The following SGMS1 variants were observed in gnomAD, a reference collection of about 807,000 sequenced individuals.
SGMS1 encodes phosphatidylcholine:ceramide cholinephosphotransferase 1.
Under a neutral mutation model 46.2 loss-of-function variants are expected in SGMS1, and 13 were observed. The ratio of observed to expected loss-of-function variants is 0.28; its 90% CI spans 0.18 to 0.45. SGMS1 has a LOEUF of 0.45. Ranked by LOEUF, SGMS1 falls within the 20% of genes least tolerant of loss-of-function variation. SGMS1 has a pLI of 1.00. For synonymous variants in SGMS1, 203 were observed against 187.8 expected, an observed-to-expected ratio of 1.08 and a Z score of -0.66; for missense variants, 324 against 519.9, an observed-to-expected ratio of 0.62 and a Z score of 3.66.
At chr10:50,439,013 A>G (rs1849508807) in intron 5 of SGMS1, among the ~76,000 whole-genome samples, 1 of 152,236 alleles carries the variant, frequency 6.6e-6, no homozygotes, top group Non-Finnish European at 1.5e-5. Context: ...TTAAGACCCT[A>G]TATGGCATAC....
intron 7 of SGMS1, among the ~76,000 whole-genome samples, chr10:50,331,624 A>G (rs929636542): frequency 6.6e-6 from 1 of 152,126 alleles, no homozygotes; most frequent in Non-Finnish European, 1.5e-5. Context: ...TCAACACTCT[A>G]TCTCACCTGA....
chr10:50,488,615 C>G (rs988396062), intron 3 of SGMS1, among the ~76,000 whole-genome samples: 1 of 152,184 alleles, frequency 6.6e-6, no homozygotes, highest in African/African-American at 2.4e-5. Context: ...AAGTAACATT[C>G]TCATTCTCCA....
chr10:50,410,040 A>AT, intron 6 of SGMS1, among the ~76,000 whole-genome samples: 1 of 152,192 alleles, frequency 6.6e-6, no homozygotes, highest in South Asian at 2.1e-4. Context: ...TTAAATGAGA[A>AT]TTATAGGACA....
intron 2 of SGMS1, among the ~76,000 whole-genome samples, chr10:50,535,115 C>T (rs1265424409): frequency 6.6e-6 from 1 of 151,826 alleles, no homozygotes; most frequent in African/African-American, 2.4e-5. Flanking sequence ...GCCTGTAGTC[C>T]CAGCTACTCG....
At chr10:50,468,150 C>G (rs1837347364) in intron 3 of SGMS1, among the ~76,000 whole-genome samples, 1 of 152,162 alleles carries the variant, frequency 6.6e-6, no homozygotes, top group South Asian at 2.1e-4. Context: ...CTTCCAATTC[C>G]TATGAAGCCT....
chr10:50,457,957 C>A (rs1234512484), intron 5 of SGMS1, among the ~76,000 whole-genome samples: 1 of 152,208 alleles, frequency 6.6e-6, no homozygotes, highest in African/African-American at 2.4e-5. Context: ...GCTGCTCATG[C>A]AACTGCTAAG....
intron 2 of SGMS1, among the ~76,000 whole-genome samples, chr10:50,541,446 T>A (rs1056857880): frequency 1.3e-5 from 2 of 152,180 alleles, no homozygotes; most frequent in Admixed American, 1.3e-4. Context: ...ATCTAATACA[T>A]CATGTGACTC....
At chr10:50,456,479 G>C (rs1321522179) in intron 5 of SGMS1, among the ~76,000 whole-genome samples, 1 of 152,156 alleles carries the variant, frequency 6.6e-6, no homozygotes, top group African/African-American at 2.4e-5. Flanking sequence ...CATAGTCCTA[G>C]CTTCACAGGA....
chr10:50,427,242 CA>C (rs1399560023), intron 6 of SGMS1, among the ~76,000 whole-genome samples: 1 of 152,074 alleles, frequency 6.6e-6, no homozygotes, highest in Non-Finnish European at 1.5e-5. Context: ...ACTAAAAATA[CA>C]AAAACATTAG....
chr10:50,309,716 C>T lies in SGMS1; in HGVS notation c.895+1546G>A, dbSNP rs1196880759. Among the ~76,000 whole-genome samples, 8 of 152,268 alleles carry T rather than the reference C, an allele frequency of 5.3e-5. No homozygotes were observed. In the East Asian group the frequency reaches 1.3e-3, roughly 26 times the overall value. ...GTATAAGCACTGGAACATCTATTCT[C>T]CCTTTTCTATCTCAGTGCCCTGAAG... is the stretch of plus-strand genomic sequence containing the variant. On this transcript the variant is annotated intron_variant, in intron 9 of 10. Coordinates refer to ENST00000361781, the MANE Select transcript of SGMS1 (RefSeq NM_147156.4).
At chr10:50,510,849 C>A (rs1837747587) in intron 3 of SGMS1, among the ~76,000 whole-genome samples, 1 of 152,084 alleles carries the variant, frequency 6.6e-6, no homozygotes, top group Non-Finnish European at 1.5e-5. Flanking sequence ...GGTTTTTTTA[C>A]ATACAATTCT....
chr10:50,447,492 CAAAAT>C (rs1407864301), intron 5 of SGMS1, among the ~76,000 whole-genome samples: 1 of 151,700 alleles, frequency 6.6e-6, no homozygotes, highest in African/African-American at 2.4e-5. Context: ...AAGAAGTAAA[CAAAAT>C]AAAGTCAGTT....
At chr10:50,364,705 G>A (rs946379883) in intron 6 of SGMS1, among the ~76,000 whole-genome samples, 1 of 152,032 alleles carries the variant, frequency 6.6e-6, no homozygotes, top group South Asian at 2.1e-4. Context: ...TAAAATAATC[G>A]TTCCCTCCAG....
intron 2 of SGMS1, among the ~76,000 whole-genome samples, chr10:50,585,577 T>C (rs2131883411): frequency 6.6e-6 from 1 of 152,362 alleles, no homozygotes; most frequent in Non-Finnish European, 1.5e-5. Context: ...CCCCATGTGG[T>C]TGGTGCACAC....
intron 6 of SGMS1, among the ~76,000 whole-genome samples, chr10:50,395,189 G>A (rs1448226380): frequency 6.6e-5 from 10 of 152,090 alleles, no homozygotes; most frequent in Non-Finnish European, 1.5e-4. Flanking sequence ...CACCTTCATG[G>A]TCGCTGTTAT....
chr10:50,529,838 A>G (rs1244807004), intron 2 of SGMS1, among the ~76,000 whole-genome samples: 2 of 152,198 alleles, frequency 1.3e-5, no homozygotes, highest in African/African-American at 2.4e-5. Flanking sequence ...CGTACCATAC[A>G]ATTGGTGCTT....
chr10:50,343,334 G>A, intron 7 of SGMS1, 158 bp downstream of exon 7: 1 of 738,992 alleles, frequency 1.4e-6, no homozygotes, highest in East Asian at 2.9e-5. Flanking sequence ...AAAGCTTCCA[G>A]ACAGTAAGTT....
chr10:50,618,014 C>T (rs1180127543), intron 1 of SGMS1, among the ~76,000 whole-genome samples: 2 of 151,982 alleles, frequency 1.3e-5, no homozygotes, highest in African/African-American at 4.8e-5. Context: ...CCACCACGCT[C>T]AGCCTTAATA....
intron 5 of SGMS1, among the ~76,000 whole-genome samples, chr10:50,449,558 C>T (rs755616250): frequency 1.2e-4 from 18 of 152,192 alleles, no homozygotes; most frequent in Non-Finnish European, 1.2e-4. Context: ...AGCAGGCTCA[C>T]CCCTCCACTT....
Sources: gnomAD v4.1 joint callset for allele counts (sites outside exome capture counted in the v4.1 genomes callset) on GRCh38, gnomAD v4.1.1 for gene constraint, MANE v1.5 for transcripts, NCBI Gene and HGNC (gene_info 2026-07-23, HGNC 2026-07-21) for gene names.